C12orf42: variants seen among roughly 807,000 people sequenced by gnomAD.
The protein encoded by C12orf42 is chromosome 12 open reading frame 42.
In C12orf42, 25 loss-of-function variants were observed where a neutral mutation model predicts 21.6. The ratio of observed to expected loss-of-function variants is 1.16; its 90% CI spans 0.84 to 1.62. The LOEUF is 1.62. C12orf42 is among the 40% of genes most tolerant of loss of function. The pLI, the probability that C12orf42 is intolerant of heterozygous loss-of-function variation, is 0.00. For synonymous variants in C12orf42, 174 were observed against 175.0 expected (o/e 0.99, Z 0.05); for missense variants, 483 against 459.3 (o/e 1.05, Z -0.47).
At chr12:103,285,875 T>G (rs898762010) in intron 4 of C12orf42, among the ~76,000 whole-genome samples, 1 of 152,198 alleles carries the variant, frequency 6.6e-6, no homozygotes, top group Non-Finnish European at 1.5e-5. Context: ...GATTTTTGTC[T>G]GCGTAATGCT....
At chr12:103,443,531 A>G (rs1290298922) in intron 2 of C12orf42, among the ~76,000 whole-genome samples, 1 of 152,130 alleles carries the variant, frequency 6.6e-6, no homozygotes, top group African/African-American at 2.4e-5. Flanking sequence ...AGCCTCATCT[A>G]ACCCTCAGCA....
At chr12:103,341,441 A>G (rs1049137355) in intron 4 of C12orf42, among the ~76,000 whole-genome samples, 1 of 152,208 alleles carries the variant, frequency 6.6e-6, no homozygotes, top group Non-Finnish European at 1.5e-5. Flanking sequence ...GAGAGAGTTA[A>G]ATGTGAATAC....
chr12:103,543,834 T>A, the C12orf42 span, among the ~76,000 whole-genome samples: 1 of 152,058 alleles, frequency 6.6e-6, no homozygotes, highest in Non-Finnish European at 1.5e-5. Context: ...ATGCCACAAG[T>A]ACATCCTTTT....
the C12orf42 span, among the ~76,000 whole-genome samples, chr12:103,511,335 T>A: frequency 6.0e-5 from 9 of 150,456 alleles, no homozygotes; most frequent in African/African-American, 2.2e-4. Flanking sequence ...TTTTTATATA[T>A]TTGATAAAAT....
the C12orf42 span, among the ~76,000 whole-genome samples, chr12:103,195,554 G>A: frequency 1.3e-4 from 20 of 152,016 alleles, no homozygotes; most frequent in African/African-American, 4.6e-4. Flanking sequence ...TTGATGTTAA[G>A]CATGTTTTCA....
At chr12:103,211,437 A>G in the C12orf42 span, among the ~76,000 whole-genome samples, 1 of 152,188 alleles carries the variant, frequency 6.6e-6, no homozygotes, top group Non-Finnish European at 1.5e-5. Flanking sequence ...TGTTACTACT[A>G]AGATTAAGTT....
intron 5 of C12orf42, among the ~76,000 whole-genome samples, chr12:103,270,632 G>T (rs2035416005): frequency 6.7e-6 from 1 of 149,336 alleles, no homozygotes; most frequent in African/African-American, 2.5e-5. Flanking sequence ...CAATGTGCAG[G>T]TTAGTTACAT....
the C12orf42 span, among the ~76,000 whole-genome samples, chr12:103,185,598 C>T: frequency 0.011 from 1,654 of 152,116 alleles, 26 homozygotes; most frequent in African/African-American, 0.037. Flanking sequence ...TGTTCCCACC[C>T]AGATCTCATC....
At chr12:103,507,248 A>ATT in the C12orf42 span, among the ~76,000 whole-genome samples, 1 of 53,630 alleles carries the variant, frequency 1.9e-5, no homozygotes, top group African/African-American at 1.2e-4. Context: ...TATTATATAT[A>ATT]ATATATAAAT....
the C12orf42 span, among the ~76,000 whole-genome samples, chr12:103,197,226 G>A: frequency 6.6e-6 from 1 of 152,204 alleles, no homozygotes; most frequent in Non-Finnish European, 1.5e-5. Context: ...TTTCATTAAG[G>A]ATGCTGAATG....
At chr12:103,182,998 C>A in the C12orf42 span, among the ~76,000 whole-genome samples, 1 of 152,178 alleles carries the variant, frequency 6.6e-6, no homozygotes, top group African/African-American at 2.4e-5. Context: ...ACAAGGGTGC[C>A]CTTTTATAAT....
chr12:103,393,444 A>G (rs1318637247), intron 3 of C12orf42, among the ~76,000 whole-genome samples: 3 of 152,208 alleles, frequency 2.0e-5, no homozygotes, highest in Non-Finnish European at 4.4e-5. Flanking sequence ...ACCTCCCACC[A>G]GTCCCCAACT....
chr12:103,104,003 G>A, the C12orf42 span, among the ~76,000 whole-genome samples: 5 of 152,138 alleles, frequency 3.3e-5, no homozygotes, highest in Admixed American at 3.3e-4. Context: ...TGTGGGCGTT[G>A]TGCCCAGCTT....
chr12:103,404,859 G>C (rs2048306936), intron 2 of C12orf42, among the ~76,000 whole-genome samples: 1 of 152,246 alleles, frequency 6.6e-6, no homozygotes, highest in East Asian at 1.9e-4. Flanking sequence ...GTATGTGCTA[G>C]AGAGTTCAGG....
chr12:103,484,553 ATT>A lies in C12orf42; in HGVS notation c.-21-6108_-21-6107del, dbSNP rs200365888. Among the ~76,000 whole-genome samples, 1,367 of 152,280 alleles carry A rather than the reference ATT, an allele frequency of 9.0e-3. 16 individuals carry two copies. The highest frequency in any genetic ancestry group is 0.031 in the African/African-American group (1,286 of 41,538). On this transcript the variant is annotated intron_variant, in intron 1 of 5. Coordinates refer to ENST00000548883, the MANE Select transcript of C12orf42 (RefSeq NM_198521.5). ...TTTAAGTTCTTTGTAGATTCTGGAT[ATT>A]AGCCCCTTGTCAGATGGGTAGATTG...
At chr12:103,123,244 T>C in the C12orf42 span, among the ~76,000 whole-genome samples, 1 of 152,290 alleles carries the variant, frequency 6.6e-6, no homozygotes, top group East Asian at 1.9e-4. Flanking sequence ...AAGGAAAAAT[T>C]CAGCCAGTTG....
the C12orf42 span, among the ~76,000 whole-genome samples, chr12:103,146,576 G>GAATGAAAGAAAGAAAGAAAGAAAT: frequency 6.9e-6 from 1 of 144,224 alleles, no homozygotes; most frequent in Admixed American, 6.9e-5. Context: ...AAGAAAGAAA[G>GAATGAAAGAAAGAAAGAAAGAAAT]AAAGAAAGAA....
At chr12:103,427,955 T>C (rs1949973673) in intron 2 of C12orf42, among the ~76,000 whole-genome samples, 1 of 152,150 alleles carries the variant, frequency 6.6e-6, no homozygotes, top group Non-Finnish European at 1.5e-5. Flanking sequence ...TACCAGAATC[T>C]CTGGGACACA....
At chr12:103,113,023 C>T in the C12orf42 span, among the ~76,000 whole-genome samples, 1 of 151,746 alleles carries the variant, frequency 6.6e-6, no homozygotes, top group African/African-American at 2.4e-5. Flanking sequence ...AGTCCCAAGG[C>T]TATGAAATGA....
Sources: gnomAD v4.1 joint callset for allele counts (sites outside exome capture counted in the v4.1 genomes callset) on GRCh38, gnomAD v4.1.1 for gene constraint, MANE v1.5 for transcripts, NCBI Gene and HGNC (gene_info 2026-07-23, HGNC 2026-07-21) for gene names.